PIK3AP1: variants seen among roughly 807,000 people sequenced by gnomAD.
PIK3AP1 encodes phosphoinositide-3-kinase adaptor protein 1.
PIK3AP1 carries 21 observed loss-of-function variants against 88.1 expected under a neutral mutation model. The observed-to-expected ratio is 0.24, with a 90% CI of 0.17 to 0.34. The LOEUF (loss-of-function observed/expected upper bound fraction) is 0.34. PIK3AP1 is among the 10% of genes least tolerant of loss of function. The probability of loss-of-function intolerance (pLI) is 1.00; values close to 1 mark genes in which losing one functional copy is unlikely to be tolerated. For synonymous variants in PIK3AP1, 398 were observed against 400.0 expected, an observed-to-expected ratio of 1.00 and a Z score of 0.06; for missense variants, 828 against 1,035.7, an observed-to-expected ratio of 0.80 and a Z score of 2.75.
At chr10:96,651,028 G>A (rs1196313324) in intron 6 of PIK3AP1, among the ~76,000 whole-genome samples, 3 of 152,256 alleles carry the variant, frequency 2.0e-5, no homozygotes, top group Non-Finnish European at 4.4e-5. Flanking sequence ...TCCTCCGTAA[G>A]CCACCACATG....
intron 3 of PIK3AP1, 147 bp downstream of exon 3, chr10:96,656,651 A>C: frequency 8.6e-7 from 1 of 1,162,550 alleles, no homozygotes; most frequent in Non-Finnish European, 1.2e-6. Context: ...GGGCCCGGGT[A>C]ACAGGGTACT....
chr10:96,607,961 G>A (rs937442222), intron 14 of PIK3AP1, among the ~76,000 whole-genome samples: 2 of 152,178 alleles, frequency 1.3e-5, no homozygotes, highest in African/African-American at 4.8e-5. Flanking sequence ...CAGGGGCCGG[G>A]TGCAGACTAC....
At chr10:96,690,047 A>G (rs1424562457) in intron 2 of PIK3AP1, among the ~76,000 whole-genome samples, 1 of 152,212 alleles carries the variant, frequency 6.6e-6, no homozygotes, top group Non-Finnish European at 1.5e-5. Context: ...TCTGCCCTTC[A>G]GAGCATCTTC....
intron 2 of PIK3AP1, among the ~76,000 whole-genome samples, chr10:96,686,845 A>G (rs2134268994): frequency 6.6e-6 from 1 of 152,230 alleles, no homozygotes; most frequent in African/African-American, 2.4e-5. Flanking sequence ...AAATTTCAAC[A>G]TGGATCCCAC....
chr10:96,702,195 T>C (rs1331566955), intron 2 of PIK3AP1, among the ~76,000 whole-genome samples: 1 of 152,116 alleles, frequency 6.6e-6, no homozygotes, highest in Non-Finnish European at 1.5e-5. Context: ...AGTTGAACTT[T>C]CAGTTTTAAG....
At chr10:96,716,320 G>A (rs1844502182) in intron 1 of PIK3AP1, among the ~76,000 whole-genome samples, 1 of 152,052 alleles carries the variant, frequency 6.6e-6, no homozygotes, top group East Asian at 1.9e-4. Flanking sequence ...AATGCACAAT[G>A]TCTCACTCCT....
chr10:96,703,048 T>C (rs1321850577), intron 2 of PIK3AP1, among the ~76,000 whole-genome samples: 1 of 152,124 alleles, frequency 6.6e-6, no homozygotes, highest in Admixed American at 6.6e-5. Context: ...AGCTAATTTT[T>C]GTATTTTTTG....
intron 3 of PIK3AP1, among the ~76,000 whole-genome samples, chr10:96,653,714 C>G (rs1843576234): frequency 6.6e-6 from 1 of 152,108 alleles, no homozygotes; most frequent in Admixed American, 6.5e-5. Flanking sequence ...TCTCGAACTC[C>G]TGACCTCAGG....
chr10:96,647,185 T>C (rs1442210359), intron 7 of PIK3AP1, among the ~76,000 whole-genome samples: 1 of 152,168 alleles, frequency 6.6e-6, no homozygotes, highest in African/African-American at 2.4e-5. Context: ...CGGCACAAAA[T>C]GAAAGTGCAT....
chr10:96,651,737 G>T, intron 4 of PIK3AP1, 86 bp from the exon 5 acceptor site: 1 of 1,439,500 alleles, frequency 6.9e-7, no homozygotes, highest in East Asian at 2.4e-5. Context: ...CACTCCATCT[G>T]AGTGGTGAGG....
chr10:96,664,383 C>T (rs547862578), intron 2 of PIK3AP1, among the ~76,000 whole-genome samples: 1 of 152,276 alleles, frequency 6.6e-6, no homozygotes, highest in South Asian at 2.1e-4. Flanking sequence ...TCCTCTCTCC[C>T]TCCCTCCTTC....
At chr10:96,670,564 G>A (rs1445148485) in intron 2 of PIK3AP1, among the ~76,000 whole-genome samples, 1 of 152,116 alleles carries the variant, frequency 6.6e-6, no homozygotes, top group African/African-American at 2.4e-5. Flanking sequence ...CAAATGATGT[G>A]TCTGGGCCAC....
intron 9 of PIK3AP1, 24 bp from the exon 10 acceptor site, chr10:96,626,929 T>A (rs368662075): frequency 6.9e-6 from 11 of 1,596,230 alleles, no homozygotes; most frequent in African/African-American, 1.3e-5. Flanking sequence ...GAAAGGTGAC[T>A]GAAAGCAGTG....
intron 2 of PIK3AP1, among the ~76,000 whole-genome samples, chr10:96,660,345 CA>C (rs1163670475): frequency 6.6e-6 from 1 of 152,026 alleles, no homozygotes; most frequent in Non-Finnish European, 1.5e-5. Context: ...ACATGGATGG[CA>C]AAGAAGCCAT....
At chr10:96,711,043 G>A (rs1844431452) in intron 1 of PIK3AP1, among the ~76,000 whole-genome samples, 1 of 152,154 alleles carries the variant, frequency 6.6e-6, no homozygotes, top group Non-Finnish European at 1.5e-5. Flanking sequence ...CTATAACATA[G>A]GCTTTCTTCC....
At chr10:96,688,285 T>C (rs1486042420) in intron 2 of PIK3AP1, among the ~76,000 whole-genome samples, 1 of 151,974 alleles carries the variant, frequency 6.6e-6, no homozygotes, top group East Asian at 1.9e-4. Flanking sequence ...TAAATAGTGA[T>C]AGTAAAGGGG....
intron 11 of PIK3AP1, among the ~76,000 whole-genome samples, chr10:96,623,115 A>C (rs1014197349): frequency 1.3e-5 from 2 of 152,030 alleles, no homozygotes; most frequent in Non-Finnish European, 1.5e-5. Context: ...GGGGACCCTG[A>C]TCTCTTTCCC....
chr10:96,675,496 G>A (rs1313276486), intron 2 of PIK3AP1, among the ~76,000 whole-genome samples: 2 of 152,188 alleles, frequency 1.3e-5, no homozygotes, highest in Admixed American at 6.5e-5. Context: ...GATGGATTCA[G>A]AGGGTGGCAC....
intron 3 of PIK3AP1, among the ~76,000 whole-genome samples, chr10:96,654,868 T>C (rs146116373): frequency 7.2e-5 from 11 of 152,268 alleles, no homozygotes; most frequent in South Asian, 6.2e-4. Flanking sequence ...CACAAAGGCA[T>C]GGCCAGTAAG....
Sources: allele counts gnomAD v4.1 joint callset (sites outside exome capture counted in the v4.1 genomes callset), GRCh38; gene constraint gnomAD v4.1.1; transcripts MANE v1.5; gene names NCBI Gene and HGNC (gene_info 2026-07-23, HGNC 2026-07-21).